EFCAB11: variants seen among roughly 807,000 people sequenced by gnomAD.
EFCAB11 encodes EF-hand calcium binding domain 11.
EFCAB11 carries 14 observed loss-of-function variants against 23.0 expected under a neutral mutation model. The observed-to-expected ratio is 0.61, with a 90% CI of 0.40 to 0.95. The LOEUF is 0.95. EFCAB11 is among the 40% of genes least tolerant of loss of function. The probability of loss-of-function intolerance (pLI) is 0.00; values close to 1 mark genes in which losing one functional copy is unlikely to be tolerated. For missense variants in EFCAB11, 198 were observed against 195.8 expected (o/e 1.01, Z -0.07); for synonymous variants, 65 against 66.6 (o/e 0.98, Z 0.11).
At chr14:89,882,233 A>C (rs555336363) in intron 5 of EFCAB11, among the ~76,000 whole-genome samples, 1 of 151,842 alleles carries the variant, frequency 6.6e-6, no homozygotes, top group African/African-American at 2.4e-5. Flanking sequence ...TGCATTATAA[A>C]CTCTTCATTG....
chr14:89,835,450 G>A (rs1420036321), intron 5 of EFCAB11, among the ~76,000 whole-genome samples: 1 of 151,758 alleles, frequency 6.6e-6, no homozygotes, highest in Non-Finnish European at 1.5e-5. Context: ...CAACAATTTT[G>A]GTTTATGAAA....
intron 4 of EFCAB11, 96 bp downstream of exon 4, chr14:89,932,430 A>G: frequency 2.2e-6 from 2 of 911,166 alleles, no homozygotes; most frequent in Non-Finnish European, 3.4e-6. Context: ...ATAATCTTCC[A>G]AGTATATTAT....
chr14:89,952,370 C>CA, intron 2 of EFCAB11: 6 of 985,106 alleles, frequency 6.1e-6, no homozygotes, highest in Non-Finnish European at 7.2e-6. Flanking sequence ...GTGATAAAGG[C>CA]AAAAATGAGA....
At position 89,892,378 on chromosome 14, in the gene EFCAB11, C is replaced by T. The variant is rs906525252; in HGVS notation, c.410+39163G>A. On this transcript the variant is annotated intron_variant, in intron 5 of 5. Transcript: ENST00000316738. ...AAGAGGGCTTGGGGGGTGTCCGGCT[C>T]ATCCACAAGACCCAAATCCCCAGGT... 52 of 1,607,008 alleles carry T rather than the reference C, an allele frequency of 3.2e-5. No homozygotes were observed. In the African/African-American group the frequency reaches 6.1e-4, roughly 19 times the overall value.
At chr14:89,867,770 C>T (rs555830476) in intron 5 of EFCAB11, among the ~76,000 whole-genome samples, 19 of 152,218 alleles carry the variant, frequency 1.2e-4, no homozygotes, top group East Asian at 7.7e-4. Flanking sequence ...AGATCTGCTA[C>T]GCCGAGGAAA....
chr14:89,835,156 G>A (rs1887031800), intron 5 of EFCAB11, among the ~76,000 whole-genome samples: 1 of 152,186 alleles, frequency 6.6e-6, no homozygotes, highest in Non-Finnish European at 1.5e-5. Flanking sequence ...AGTGGCAAAG[G>A]TTTGAAAGTG....
intron 5 of EFCAB11, among the ~76,000 whole-genome samples, chr14:89,910,135 C>T (rs1889628762): frequency 6.6e-6 from 1 of 152,142 alleles, no homozygotes; most frequent in African/African-American, 2.4e-5. Context: ...AAGATTCTAA[C>T]AAATATGTGT....
At chr14:89,832,259 G>T (rs1434201193) in intron 5 of EFCAB11, among the ~76,000 whole-genome samples, 1 of 152,130 alleles carries the variant, frequency 6.6e-6, no homozygotes, top group Non-Finnish European at 1.5e-5. Flanking sequence ...GTTGCAGTGA[G>T]CCGAGACTGC....
At chr14:89,912,198 TGAAAAAA>T (rs1393690145) in intron 5 of EFCAB11, among the ~76,000 whole-genome samples, 2 of 151,986 alleles carry the variant, frequency 1.3e-5, no homozygotes, top group African/African-American at 4.8e-5. Context: ...ATGGTTTCAT[TGAAAAAA>T]GAAAAAACTA....
intron 5 of EFCAB11, among the ~76,000 whole-genome samples, chr14:89,812,475 GA>G (rs1886180259): frequency 6.6e-6 from 1 of 152,160 alleles, no homozygotes; most frequent in African/African-American, 2.4e-5. Context: ...CATTCATCTG[GA>G]AAATAAACAG....
At chr14:89,948,394 A>G (rs1891051227) in intron 3 of EFCAB11, among the ~76,000 whole-genome samples, 1 of 152,228 alleles carries the variant, frequency 6.6e-6, no homozygotes, top group Non-Finnish European at 1.5e-5. Flanking sequence ...AGGCATGTAA[A>G]TTAGTACAAT....
chr14:89,930,211 C>A (rs1023443980), intron 5 of EFCAB11, among the ~76,000 whole-genome samples: 2 of 152,220 alleles, frequency 1.3e-5, no homozygotes, highest in Non-Finnish European at 2.9e-5. Context: ...AATGATGCAG[C>A]AAATGAATTT....
chr14:89,901,484 G>A (rs138350376), intron 5 of EFCAB11, among the ~76,000 whole-genome samples: 81 of 152,276 alleles, frequency 5.3e-4, no homozygotes, highest in African/African-American at 1.8e-3. Context: ...GGACTCATCC[G>A]TTTCTTGGGC....
In EFCAB11 at chr14:89,934,403, C is replaced by T. The variant is rs1032302219; in HGVS notation, c.218-1776G>A. 9.2e-5 allele frequency among the ~76,000 whole-genome samples: 14 copies of T among 152,056 alleles called. 1 individual carries two copies. The highest frequency in any genetic ancestry group is 1.5e-5 in the Non-Finnish European group (1 of 68,006). ...AGAAAGAAAGAGATGTCAAGAATAT[C>T]CCGTAGATTCTGGCTTGAAGAGCTA... On this transcript the variant is annotated intron_variant, in intron 3 of 5. Coordinates refer to ENST00000316738, the MANE Select transcript of EFCAB11 (RefSeq NM_145231.4).
At chr14:89,810,279 C>A (rs1886109224) in intron 5 of EFCAB11, among the ~76,000 whole-genome samples, 1 of 152,172 alleles carries the variant, frequency 6.6e-6, no homozygotes, top group African/African-American at 2.4e-5. Flanking sequence ...TGATCTTACA[C>A]CAATTGCTGT....
chr14:89,868,888 A>C (rs990445603), intron 5 of EFCAB11, among the ~76,000 whole-genome samples: 2 of 152,230 alleles, frequency 1.3e-5, no homozygotes, highest in African/African-American at 4.8e-5. Flanking sequence ...TTTCTTACAG[A>C]AACAAATGTG....
intron 5 of EFCAB11, among the ~76,000 whole-genome samples, chr14:89,857,503 T>C (rs1036212769): frequency 1.3e-4 from 10 of 75,556 alleles, no homozygotes; most frequent in Non-Finnish European, 3.2e-4. Flanking sequence ...GTTACTGACC[T>C]GGTCTTTCTT....
At chr14:89,883,767 T>A (rs1206359400) in intron 5 of EFCAB11, among the ~76,000 whole-genome samples, 1 of 152,206 alleles carries the variant, frequency 6.6e-6, no homozygotes, top group African/African-American at 2.4e-5. Context: ...TCTGTTCATT[T>A]AATTATTCTT....
At chr14:89,950,774 C>G (rs1891139670) in intron 2 of EFCAB11, among the ~76,000 whole-genome samples, 1 of 152,138 alleles carries the variant, frequency 6.6e-6, no homozygotes, top group Non-Finnish European at 1.5e-5. Flanking sequence ...AGTATTAGAG[C>G]CTTCGCAGCA....
Sources: allele counts gnomAD v4.1 joint callset (sites outside exome capture counted in the v4.1 genomes callset), GRCh38; gene constraint gnomAD v4.1.1; transcripts MANE v1.5; gene names NCBI Gene and HGNC (gene_info 2026-07-23, HGNC 2026-07-21).